Variants in TRPM3 observed in about 807,000 individuals in gnomAD.
TRPM3 encodes transient receptor potential cation channel subfamily M member 3.
TRPM3 carries 77 observed loss-of-function variants against 181.2 expected under a neutral mutation model. The ratio of observed to expected loss-of-function variants is 0.42; its 90% CI spans 0.35 to 0.51. TRPM3 has a LOEUF of 0.51. TRPM3 is among the 20% of genes least tolerant of loss of function. The probability of loss-of-function intolerance (pLI) is 0.01; values close to 1 mark genes in which losing one functional copy is unlikely to be tolerated. For missense variants in TRPM3, 1,759 were observed against 2,196.7 expected, an observed-to-expected ratio of 0.80 and a Z score of 3.98; for synonymous variants, 745 against 796.4, an observed-to-expected ratio of 0.94 and a Z score of 1.09.
chr9:70,540,019 T>TA (rs1657478767), intron 25 of TRPM3, among the ~76,000 whole-genome samples: 2 of 152,084 alleles, frequency 1.3e-5, no homozygotes, highest in African/African-American at 4.8e-5. Flanking sequence ...AAACATTTTT[T>TA]ATAGAGCTGG....
chr9:71,117,578 G>C (rs901027315), intron 1 of TRPM3, among the ~76,000 whole-genome samples: 6 of 151,918 alleles, frequency 3.9e-5, no homozygotes, highest in Non-Finnish European at 7.4e-5. Context: ...TTTTAAAGAA[G>C]ACATCAAGTT....
At chr9:71,341,416 ACACTGAGAAGGGCATAT>A (rs1286680713) in intron 1 of TRPM3, among the ~76,000 whole-genome samples, 1 of 152,156 alleles carries the variant, frequency 6.6e-6, no homozygotes, top group Admixed American at 6.6e-5. Flanking sequence ...CTGGTATGAT[ACACTGAGAAGGGCATAT>A]CACTTCTGTG....
At chr9:71,253,091 T>G (rs1306734715) in intron 1 of TRPM3, among the ~76,000 whole-genome samples, 2 of 152,174 alleles carry the variant, frequency 1.3e-5, no homozygotes, top group African/African-American at 4.8e-5. Flanking sequence ...CAGAATTACA[T>G]TTGAAACTAG....
intron 5 of TRPM3, among the ~76,000 whole-genome samples, chr9:70,834,808 A>G (rs990175687): frequency 6.6e-6 from 1 of 152,192 alleles, no homozygotes; most frequent in African/African-American, 2.4e-5. Flanking sequence ...CCAGGCCAGA[A>G]CCACTCAGAC....
At chr9:71,160,372 T>A (rs1466097097) in intron 1 of TRPM3, among the ~76,000 whole-genome samples, 2 of 152,144 alleles carry the variant, frequency 1.3e-5, no homozygotes, top group African/African-American at 2.4e-5. Context: ...TTTTCAACTA[T>A]GATCATTGTT....
intron 1 of TRPM3, among the ~76,000 whole-genome samples, chr9:71,353,271 A>G (rs894636769): frequency 2.6e-5 from 4 of 152,048 alleles, no homozygotes; most frequent in African/African-American, 4.8e-5. Context: ...ATGTTCCTCT[A>G]CACTACACTA....
intron 1 of TRPM3, among the ~76,000 whole-genome samples, chr9:71,072,291 T>C (rs1459206128): frequency 6.6e-6 from 1 of 152,186 alleles, no homozygotes; most frequent in Non-Finnish European, 1.5e-5. Context: ...AATTAATTTT[T>C]TTAAGTTAAG....
intron 1 of TRPM3, among the ~76,000 whole-genome samples, chr9:71,103,669 G>C (rs1485603186): frequency 1.3e-5 from 2 of 152,128 alleles, no homozygotes; most frequent in Non-Finnish European, 2.9e-5. Flanking sequence ...GGGAGATAAA[G>C]CATGTTCCCA....
chr9:70,901,275 A>T (rs1460318941), intron 1 of TRPM3, among the ~76,000 whole-genome samples: 1 of 152,236 alleles, frequency 6.6e-6, no homozygotes, highest in Non-Finnish European at 1.5e-5. Flanking sequence ...GGACACAAGT[A>T]GATTAATGGC....
chr9:71,239,344 A>G (rs1265362209), intron 1 of TRPM3, among the ~76,000 whole-genome samples: 3 of 152,188 alleles, frequency 2.0e-5, no homozygotes, highest in Non-Finnish European at 4.4e-5. Context: ...ATTAAATTAC[A>G]TCCACTATAG....
Position 70,746,399 on chromosome 9 carries a change from G to A in TRPM3, c.1272+15202C>T, listed in dbSNP as rs2075167562. ...AAATGTGGAAAGAGAGTTGTCATTG[G>A]ATGCCAACATCAGCTTCACACATAC... On this transcript the variant is annotated intron_variant, in intron 8 of 25. Transcript: ENST00000677713. Among the ~76,000 whole-genome samples, 11 of 152,190 alleles carry A rather than the reference G, an allele frequency of 7.2e-5. No homozygotes were observed. The South Asian group carries it at 2.3e-3, about 32-fold the overall frequency.
chr9:70,954,539 C>T (rs993702194), intron 1 of TRPM3, among the ~76,000 whole-genome samples: 59 of 151,872 alleles, frequency 3.9e-4, no homozygotes, highest in African/African-American at 1.3e-3. Context: ...GTAGATTTTA[C>T]GTTGCTTTTT....
At chr9:70,648,130 T>G (rs188834638) in intron 9 of TRPM3, among the ~76,000 whole-genome samples, 1 of 152,288 alleles carries the variant, frequency 6.6e-6, no homozygotes, top group East Asian at 1.9e-4. Flanking sequence ...CAAAGCAACG[T>G]GCAGATTCAG....
intron 1 of TRPM3, among the ~76,000 whole-genome samples, chr9:71,166,990 T>G (rs921497255): frequency 2.6e-5 from 4 of 152,158 alleles, no homozygotes; most frequent in African/African-American, 9.7e-5. Context: ...TACTATCTTG[T>G]TTGAGAAAAA....
chr9:70,833,076 C>T (rs2094056394), intron 5 of TRPM3, among the ~76,000 whole-genome samples: 1 of 152,134 alleles, frequency 6.6e-6, no homozygotes. Context: ...TTTCTGTTTC[C>T]TGCCTCTAAA....
At chr9:70,616,647 G>A (rs1218170126) in intron 17 of TRPM3, among the ~76,000 whole-genome samples, 1 of 150,834 alleles carries the variant, frequency 6.6e-6, no homozygotes, top group Non-Finnish European at 1.5e-5. Context: ...TTCATTTTAG[G>A]GCATCTTCCT....
intron 1 of TRPM3, among the ~76,000 whole-genome samples, chr9:70,911,595 A>G (rs114084803): frequency 0.011 from 1,650 of 152,288 alleles, 31 homozygotes; most frequent in African/African-American, 0.038. Flanking sequence ...TGCCTCATGT[A>G]TATTCTTTAT....
At chr9:71,091,850 C>T (rs886692670) in intron 1 of TRPM3, among the ~76,000 whole-genome samples, 56 of 152,044 alleles carry the variant, frequency 3.7e-4, no homozygotes, top group African/African-American at 1.2e-3. Flanking sequence ...AGAAAGGCAG[C>T]TTTGACTATT....
At chr9:70,944,496 G>C (rs1297852946) in intron 1 of TRPM3, among the ~76,000 whole-genome samples, 1 of 151,538 alleles carries the variant, frequency 6.6e-6, no homozygotes, top group Non-Finnish European at 1.5e-5. Flanking sequence ...GATCTCTTTT[G>C]TCCTTTAACG....
Sources: allele counts gnomAD v4.1 joint callset (sites outside exome capture counted in the v4.1 genomes callset), GRCh38; gene constraint gnomAD v4.1.1; transcripts MANE v1.5; gene names NCBI Gene and HGNC (gene_info 2026-07-23, HGNC 2026-07-21).